The following HECW1 variants were observed in gnomAD, a reference collection of about 807,000 sequenced individuals.
HECW1 encodes the protein E3 ubiquitin-protein ligase HECW1.
Under a neutral mutation model 182.3 loss-of-function variants are expected in HECW1, and 61 were observed. The observed-to-expected ratio is 0.33, with a 90% CI of 0.27 to 0.41. HECW1 has a LOEUF of 0.41. Ranked by LOEUF, HECW1 falls within the 10% of genes least tolerant of loss-of-function variation. HECW1 has a pLI of 1.00. For missense variants in HECW1, 1,739 were observed against 2,108.9 expected, an observed-to-expected ratio of 0.82 and a Z score of 3.44; for synonymous variants, 859 against 832.6, an observed-to-expected ratio of 1.03 and a Z score of -0.55.
At chr7:43,434,178 A>T (rs2076637919) in intron 8 of HECW1, among the ~76,000 whole-genome samples, 1 of 152,262 alleles carries the variant, frequency 6.6e-6, no homozygotes, top group Admixed American at 6.5e-5. Flanking sequence ...AAGCATTTGA[A>T]ATAGGCCTAC....
At chr7:43,293,229 A>G (rs1259347238) in intron 3 of HECW1, among the ~76,000 whole-genome samples, 4 of 151,062 alleles carry the variant, frequency 2.6e-5, no homozygotes, top group Non-Finnish European at 4.4e-5. Flanking sequence ...CAAAAAAAAA[A>G]AAAAAAAGAA....
At chr7:43,479,786 GT>G (rs766117255) in intron 17 of HECW1, 42 bp downstream of exon 17, 2 of 1,610,830 alleles carry the variant, frequency 1.2e-6, no homozygotes, top group Admixed American at 1.7e-5. Context: ...ACCGGTCACA[GT>G]CTCTGCCTCT....
At chr7:43,181,201 A>G (rs1792831849) in intron 2 of HECW1, among the ~76,000 whole-genome samples, 1 of 150,934 alleles carries the variant, frequency 6.6e-6, no homozygotes, top group Admixed American at 6.6e-5. Flanking sequence ...ATGGCTGAAT[A>G]GTATTTCATT....
chr7:43,554,440 T>C, intron 28 of HECW1, 152 bp from the exon 29 acceptor site: 1 of 671,218 alleles, frequency 1.5e-6, no homozygotes, highest in South Asian at 1.9e-5. Flanking sequence ...ACAAATTGTT[T>C]TAGACCTCTC....
chr7:43,474,950 AG>A (rs1368528229), intron 16 of HECW1, among the ~76,000 whole-genome samples: 1 of 152,242 alleles, frequency 6.6e-6, no homozygotes, highest in Non-Finnish European at 1.5e-5. Context: ...GATAGAAAGT[AG>A]ATCAGAGGTT....
chr7:43,306,582 G>A (rs1294833064), intron 3 of HECW1, among the ~76,000 whole-genome samples: 2 of 152,056 alleles, frequency 1.3e-5, no homozygotes, highest in African/African-American at 2.4e-5. Flanking sequence ...CAAGGGCTGT[G>A]TATTTCGCTT....
intron 8 of HECW1, among the ~76,000 whole-genome samples, chr7:43,415,072 T>C (rs1271488546): frequency 2.6e-5 from 4 of 151,968 alleles, no homozygotes; most frequent in Non-Finnish European, 5.9e-5. Flanking sequence ...CCTGTCATTA[T>C]GATGTTAGCT....
At chr7:43,369,580 T>C (rs1249494212) in intron 6 of HECW1, among the ~76,000 whole-genome samples, 2 of 152,252 alleles carry the variant, frequency 1.3e-5, no homozygotes, top group African/African-American at 4.8e-5. Flanking sequence ...GCTGGAATTA[T>C]TTATTTACTA....
chr7:43,369,848 C>T (rs1433854223), intron 6 of HECW1, among the ~76,000 whole-genome samples: 1 of 152,138 alleles, frequency 6.6e-6, no homozygotes, highest in South Asian at 2.1e-4. Context: ...TAAAACAAAA[C>T]GAAATGGATG....
chr7:43,391,853 G>A (rs6965631), intron 6 of HECW1, among the ~76,000 whole-genome samples: 2,913 of 152,280 alleles, frequency 0.019, 100 homozygotes, highest in African/African-American at 0.067. Context: ...TTTGGAGGTG[G>A]AAAAGGAACT....
intron 2 of HECW1, among the ~76,000 whole-genome samples, chr7:43,234,454 T>A (rs1250487464): frequency 6.6e-6 from 1 of 151,912 alleles, no homozygotes; most frequent in Non-Finnish European, 1.5e-5. Context: ...TGTCCTCCCC[T>A]TTGTTCCCCA....
At chr7:43,169,779 C>G (rs545297695) in intron 2 of HECW1, among the ~76,000 whole-genome samples, 1 of 150,512 alleles carries the variant, frequency 6.6e-6, no homozygotes. Context: ...AGCTTCGCCT[C>G]CCGGGTTCAC....
At chr7:43,182,880 T>G (rs1793005500) in intron 2 of HECW1, among the ~76,000 whole-genome samples, 1 of 152,192 alleles carries the variant, frequency 6.6e-6, no homozygotes, top group Non-Finnish European at 1.5e-5. Flanking sequence ...TGGTTTTAAA[T>G]GTAGAGATCT....
At chr7:43,203,980 T>C (rs114863419) in intron 2 of HECW1, among the ~76,000 whole-genome samples, 354 of 152,314 alleles carry the variant, frequency 2.3e-3, no homozygotes, top group African/African-American at 8.1e-3. Flanking sequence ...AATGGACTCT[T>C]TTTGTCTTAC....
At chr7:43,294,789 A>G (rs1805831131) in intron 3 of HECW1, among the ~76,000 whole-genome samples, 1 of 152,152 alleles carries the variant, frequency 6.6e-6, no homozygotes, top group South Asian at 2.1e-4. Flanking sequence ...GTCTCAATCA[A>G]TTTAGAAAGT....
chr7:43,448,374 G>A (rs2077129930), intron 11 of HECW1, among the ~76,000 whole-genome samples: 1 of 152,186 alleles, frequency 6.6e-6, no homozygotes, highest in African/African-American at 2.4e-5. Flanking sequence ...GCAGATAAAT[G>A]AAAAGAGTAA....
intron 6 of HECW1, among the ~76,000 whole-genome samples, chr7:43,367,964 C>T (rs1322666509): frequency 3.9e-5 from 6 of 152,224 alleles, no homozygotes; most frequent in Non-Finnish European, 8.8e-5. Flanking sequence ...TCTGCTTCCA[C>T]CTCTCCAGTC....
intron 6 of HECW1, among the ~76,000 whole-genome samples, chr7:43,369,545 C>T (rs1817068213): frequency 6.6e-6 from 1 of 152,126 alleles, no homozygotes; most frequent in Non-Finnish European, 1.5e-5. Flanking sequence ...GAGAGAACAC[C>T]TTAATCTTTG....
At chr7:43,325,676 A>C (rs1810664383) in intron 5 of HECW1, among the ~76,000 whole-genome samples, 1 of 152,120 alleles carries the variant, frequency 6.6e-6, no homozygotes, top group Admixed American at 6.5e-5. Flanking sequence ...GGCATAAATG[A>C]GAAATCAGGA....
Sources: gnomAD v4.1 joint callset for allele counts (sites outside exome capture counted in the v4.1 genomes callset) on GRCh38, gnomAD v4.1.1 for gene constraint, MANE v1.5 for transcripts, NCBI Gene and HGNC (gene_info 2026-07-23, HGNC 2026-07-21) for gene names.